The following OSBPL11 variants were observed in gnomAD, a reference collection of about 807,000 sequenced individuals.
OSBPL11 encodes oxysterol binding protein like 11.
OSBPL11 carries 33 observed loss-of-function variants against 84.4 expected under a neutral mutation model. That is an observed-to-expected ratio of 0.39 (90% confidence interval 0.30 to 0.52). The LOEUF (loss-of-function observed/expected upper bound fraction) is 0.52, where lower values mean the gene tolerates loss of function less well. Ranked by LOEUF, OSBPL11 falls within the 20% of genes least tolerant of loss-of-function variation. OSBPL11 has a pLI of 0.72. For synonymous variants in OSBPL11, 276 were observed against 310.2 expected (o/e 0.89, Z 1.16); for missense variants, 736 against 901.1 (o/e 0.82, Z 2.35).
intron 3 of OSBPL11, 65 bp downstream of exon 3, chr3:125,579,800 G>C: frequency 6.9e-7 from 1 of 1,459,712 alleles, no homozygotes; most frequent in Admixed American, 1.7e-5. Context: ...ATGAAAGCAT[G>C]TAAGACACCA....
Position 125,579,958 on chromosome 3 carries a change from A to G in OSBPL11, c.316T>C (p.Leu106=). The G allele has an allele frequency of 6.2e-6, 10 of 1,614,204 alleles. No individual in the cohort carries two copies. The highest frequency in any genetic ancestry group is 8.5e-6 in the Non-Finnish European group (10 of 1,180,014). Reference sequence around the variant, plus strand: ...GATATTACAGCTCCTGCAAGCTGCAAAGTTCCTCTAGGTTTCTGATTTCTA... The same window carrying G: ...GATATTACAGCTCCTGCAAGCTGCAGAGTTCCTCTAGGTTTCTGATTTCTA... ...QSRNQKPRGT[L]QLAGAVISPS... is the part of the protein sequence containing the mutation. The change falls in exon 3 of 13, where the codon TTG becomes CTG. Residue 106 remains leucine, a synonymous_variant. Coordinates refer to ENST00000296220, the MANE Select transcript of OSBPL11 (RefSeq NM_022776.5).
In OSBPL11 at chr3:125,567,383, C is replaced by T. The variant is rs369359625; in HGVS notation, c.868+11G>A. The T allele has an allele frequency of 1.0e-5, 16 of 1,603,796 alleles. No individual in the cohort carries two copies. Among genetic ancestry groups the T allele is most frequent in the Admixed American group, 3.3e-5 (2 of 59,934 alleles). On this transcript the variant is annotated intron_variant, in intron 6 of 12. Transcript: ENST00000296220. ...TTCATTGTGAAGCCCTACCTTTAAT[C>T]GACAACTTACCTGAAGGCAATGAGC...
At chr3:125,542,439 G>C (rs113532278) in intron 10 of OSBPL11, among the ~76,000 whole-genome samples, 1 of 151,064 alleles carries the variant, frequency 6.6e-6, no homozygotes, top group African/African-American at 2.4e-5. Flanking sequence ...AGGTTCAAGC[G>C]ATACTCCTGC....
At chr3:125,593,462 A>C (rs934307680) in intron 1 of OSBPL11, among the ~76,000 whole-genome samples, 13 of 151,980 alleles carry the variant, frequency 8.6e-5, no homozygotes, top group Non-Finnish European at 1.3e-4. Context: ...TCTACTAAAA[A>C]TACAAAAATT....
At chr3:125,566,790 ATATATTTT>A (rs1936162488) in intron 6 of OSBPL11, among the ~76,000 whole-genome samples, 1 of 151,398 alleles carries the variant, frequency 6.6e-6, no homozygotes, top group African/African-American at 2.4e-5. Context: ...GTATATATAT[ATATATTTT>A]TTTTTTAATG....
At chr3:125,534,395 A>T (rs1250503205) in intron 11 of OSBPL11, among the ~76,000 whole-genome samples, 1 of 152,058 alleles carries the variant, frequency 6.6e-6, no homozygotes, top group Non-Finnish European at 1.5e-5. Context: ...CTTAAAAAAA[A>T]AAAAAGAAAC....
intron 5 of OSBPL11, among the ~76,000 whole-genome samples, chr3:125,573,834 T>C (rs1936276826): frequency 7.5e-6 from 1 of 133,194 alleles, no homozygotes; most frequent in Admixed American, 9.0e-5. Flanking sequence ...ATTGTGCCAT[T>C]GCACTCCAGC....
At chr3:125,571,719 T>C (rs1348983411) in intron 5 of OSBPL11, among the ~76,000 whole-genome samples, 2 of 152,140 alleles carry the variant, frequency 1.3e-5, no homozygotes, top group Non-Finnish European at 2.9e-5. Context: ...TGCACAGAAG[T>C]CAAGAATTGG....
At chr3:125,544,701 T>G (rs1445574961) in intron 10 of OSBPL11, among the ~76,000 whole-genome samples, 1 of 152,172 alleles carries the variant, frequency 6.6e-6, no homozygotes, top group Non-Finnish European at 1.5e-5. Context: ...GATAAAAACT[T>G]TGCCTCTCTC....
At chr3:125,564,487 T>G (rs115648173) in intron 6 of OSBPL11, among the ~76,000 whole-genome samples, 17 of 152,352 alleles carry the variant, frequency 1.1e-4, no homozygotes, top group African/African-American at 4.1e-4. Context: ...TGTCTCTTGT[T>G]ACCCTCGACT....
At chr3:125,531,814 C>T in intron 12 of OSBPL11, 47 bp downstream of exon 12, 1 of 1,542,912 alleles carries the variant, frequency 6.5e-7, no homozygotes, top group Non-Finnish European at 8.7e-7. Flanking sequence ...AGCTAAAGTT[C>T]TCAGCCAAGT....
At chr3:125,583,951 A>T (rs1328503905) in intron 1 of OSBPL11, among the ~76,000 whole-genome samples, 1 of 152,128 alleles carries the variant, frequency 6.6e-6, no homozygotes, top group African/African-American at 2.4e-5. Flanking sequence ...CCCAGGCTTC[A>T]GGCTTAAGCA....
chr3:125,573,104 T>C (rs1033267060), intron 5 of OSBPL11, among the ~76,000 whole-genome samples: 1 of 151,478 alleles, frequency 6.6e-6, no homozygotes, highest in Non-Finnish European at 1.5e-5. Flanking sequence ...GTAATGGCTG[T>C]CTCCAAAACA....
intron 5 of OSBPL11, among the ~76,000 whole-genome samples, chr3:125,571,714 A>G (rs1026431389): frequency 9.2e-5 from 14 of 152,248 alleles, no homozygotes; most frequent in Non-Finnish European, 1.8e-4. Flanking sequence ...GCTAGTGCAC[A>G]GAAGTCAAGA....
chr3:125,594,766 A>T lies in OSBPL11; in HGVS notation c.35T>A (p.Val12Asp), dbSNP rs1559851146. ...QGGEPVSTMK[V>D]SESEGKLEGQ... The stretch of plus-strand genomic sequence containing the variant: ...CTCCAGCTTTCCTTCGCTCTCCGAG[A>T]CTTTCATTGTGGACACTGGTTCACC... Residue 12 changes from valine (V) to aspartate (D), a missense_variant, in exon 1 of 13, where the codon GTC becomes GAC. Val to Asp is a radical substitution (Grantham distance 152). Transcript: ENST00000296220. 1.2e-6 allele frequency: 2 copies of T among 1,613,960 alleles called. No individual in the cohort carries two copies. The highest frequency in any genetic ancestry group is 2.2e-5 in the East Asian group (1 of 44,884).
chr3:125,590,021 C>T (rs1000600297), intron 1 of OSBPL11, among the ~76,000 whole-genome samples: 13 of 152,096 alleles, frequency 8.5e-5, no homozygotes, highest in African/African-American at 3.1e-4. Context: ...AAGCAGGTGG[C>T]ATATTTGCAG....
chr3:125,559,543 G>A (rs1412275396), intron 8 of OSBPL11, among the ~76,000 whole-genome samples: 1 of 151,990 alleles, frequency 6.6e-6, no homozygotes, highest in Non-Finnish European at 1.5e-5. Context: ...CACCATGCCC[G>A]GCTAATTTTT....
intron 4 of OSBPL11, 121 bp from the exon 5 acceptor site, chr3:125,576,486 A>T: frequency 1.4e-6 from 1 of 690,366 alleles, no homozygotes; most frequent in Non-Finnish European, 2.1e-6. Flanking sequence ...TTAACTTCAG[A>T]ATTGACTATG....
chr3:125,591,047 A>C (rs1936588046), intron 1 of OSBPL11, among the ~76,000 whole-genome samples: 1 of 152,236 alleles, frequency 6.6e-6, no homozygotes, highest in East Asian at 1.9e-4. Flanking sequence ...GGAGGATTAA[A>C]TGTGATAACA....
Sources: gnomAD v4.1 joint callset for allele counts (sites outside exome capture counted in the v4.1 genomes callset) on GRCh38, gnomAD v4.1.1 for gene constraint, MANE v1.5 for transcripts, NCBI Gene and HGNC (gene_info 2026-07-23, HGNC 2026-07-21) for gene names.